Variants in TLL1 observed in about 807,000 individuals in gnomAD.
TLL1 encodes the protein tolloid-like protein 1.
A neutral mutation model predicts 128.2 loss-of-function variants in TLL1; 49 were observed. The observed-to-expected ratio is 0.38, with a 90% CI of 0.30 to 0.48. The LOEUF is 0.48. Ranked by LOEUF, TLL1 falls within the 20% of genes least tolerant of loss-of-function variation. TLL1 has a pLI of 0.96. For synonymous variants in TLL1, 454 were observed against 418.8 expected (o/e 1.08, Z -1.03); for missense variants, 1,123 against 1,242.0 (o/e 0.90, Z 1.44).
chr4:165,896,467 C>G (rs1250568554), intron 1 of TLL1, among the ~76,000 whole-genome samples: 1 of 145,264 alleles, frequency 6.9e-6, no homozygotes. Flanking sequence ...ATTGCTGGGT[C>G]AAATGGTATT....
chr4:166,089,534 G>A (rs979075780), intron 18 of TLL1, among the ~76,000 whole-genome samples: 2 of 152,120 alleles, frequency 1.3e-5, no homozygotes, highest in Admixed American at 6.6e-5. Flanking sequence ...ATTAACAAGT[G>A]ACACATTCCT....
At chr4:166,008,246 C>T (rs996159937) in intron 7 of TLL1, among the ~76,000 whole-genome samples, 198 bp downstream of exon 7, 1 of 151,348 alleles carries the variant, frequency 6.6e-6, no homozygotes, top group African/African-American at 2.4e-5. Context: ...TTTTTAAATT[C>T]TCTACCAAAT....
intron 9 of TLL1, among the ~76,000 whole-genome samples, chr4:166,033,107 C>T (rs957558315): frequency 9.9e-5 from 15 of 152,004 alleles, no homozygotes; most frequent in Admixed American, 1.3e-4. Context: ...CATAAAGATA[C>T]GCAACTCCTG....
intron 1 of TLL1, among the ~76,000 whole-genome samples, chr4:165,890,429 G>A (rs543432072): frequency 1.3e-4 from 20 of 152,298 alleles, no homozygotes; most frequent in African/African-American, 4.8e-4. Context: ...CTGCCTATCA[G>A]CCTGTGAAAT....
At chr4:165,891,229 T>A (rs1255160915) in intron 1 of TLL1, among the ~76,000 whole-genome samples, 1 of 152,178 alleles carries the variant, frequency 6.6e-6, no homozygotes, top group African/African-American at 2.4e-5. Flanking sequence ...CATGAAGACC[T>A]CTGACATGCC....
intron 18 of TLL1, among the ~76,000 whole-genome samples, chr4:166,081,049 T>C (rs146246048): frequency 1.3e-3 from 202 of 152,260 alleles, no homozygotes; most frequent in African/African-American, 4.5e-3. Flanking sequence ...GCTTTCTCAG[T>C]GATCCTATTT....
At chr4:165,975,591 TAAAAG>T (rs1244642349) in intron 1 of TLL1, among the ~76,000 whole-genome samples, 2 of 151,932 alleles carry the variant, frequency 1.3e-5, no homozygotes, top group Non-Finnish European at 2.9e-5. Context: ...ACAATGAAAA[TAAAAG>T]AAAAAATATT....
Position 165,873,894 on chromosome 4 carries a change from G to C in TLL1, c.-11G>C, listed in dbSNP as rs373269428. On this transcript the variant is annotated 5_prime_UTR_variant, in exon 1 of 21. Coordinates refer to ENST00000061240, the MANE Select transcript of TLL1 (RefSeq NM_012464.5). Reference sequence around the variant, plus strand: ...GGGTCCCGTCCCCTCCTTTTCCTCCGGGGGAGGAGGATGGGGTTGGGAACG... The same window carrying C: ...GGGTCCCGTCCCCTCCTTTTCCTCCCGGGGAGGAGGATGGGGTTGGGAACG... 63 of 1,613,384 alleles carry C rather than the reference G, an allele frequency of 3.9e-5. No individual in the cohort carries two copies. The African/African-American group carries it at 7.7e-4, about 20-fold the overall frequency.
chr4:165,995,922 T>C (rs1736852419), intron 5 of TLL1, among the ~76,000 whole-genome samples: 1 of 152,144 alleles, frequency 6.6e-6, no homozygotes, highest in Non-Finnish European at 1.5e-5. Flanking sequence ...TATTATTTTA[T>C]TGCCTAATAT....
At chr4:165,929,734 G>A (rs1733431477) in intron 1 of TLL1, among the ~76,000 whole-genome samples, 1 of 152,158 alleles carries the variant, frequency 6.6e-6, no homozygotes, top group Non-Finnish European at 1.5e-5. Context: ...TTCTAGCCTA[G>A]CAGATAACTT....
chr4:165,952,959 G>A (rs72972258), intron 1 of TLL1, among the ~76,000 whole-genome samples: 9,121 of 152,090 alleles, frequency 0.06, 881 homozygotes, highest in African/African-American at 0.2. Flanking sequence ...AATTTCCAAC[G>A]TCACTTGTGT....
chr4:165,970,470 T>C (rs1735582111), intron 1 of TLL1, among the ~76,000 whole-genome samples: 1 of 152,288 alleles, frequency 6.6e-6, no homozygotes, highest in African/African-American at 2.4e-5. Flanking sequence ...ATTCCCATAC[T>C]CAATATTTAT....
At chr4:166,069,699 G>A (rs1014904106) in intron 16 of TLL1, among the ~76,000 whole-genome samples, 1 of 151,698 alleles carries the variant, frequency 6.6e-6, no homozygotes, top group Non-Finnish European at 1.5e-5. Flanking sequence ...ACATTGAAGG[G>A]ATGTCTCTAA....
intron 1 of TLL1, among the ~76,000 whole-genome samples, chr4:165,942,739 G>A (rs1461712665): frequency 6.6e-6 from 1 of 151,770 alleles, no homozygotes; most frequent in Non-Finnish European, 1.5e-5. Flanking sequence ...TGGGATAACT[G>A]TAAGAATAAA....
intron 1 of TLL1, among the ~76,000 whole-genome samples, chr4:165,953,785 G>T (rs1490618709): frequency 6.6e-6 from 1 of 151,850 alleles, no homozygotes; most frequent in Non-Finnish European, 1.5e-5. Flanking sequence ...GGGAGAAGGG[G>T]TTTCTGAAAT....
intron 16 of TLL1, among the ~76,000 whole-genome samples, chr4:166,070,999 T>C (rs569948906): frequency 1.5e-4 from 23 of 151,966 alleles, no homozygotes; most frequent in Non-Finnish European, 3.2e-4. Context: ...ATTGTCTCTG[T>C]TGTAGCTCTC....
At chr4:166,048,623 G>C (rs1361648584) in intron 12 of TLL1, among the ~76,000 whole-genome samples, 1 of 152,144 alleles carries the variant, frequency 6.6e-6, no homozygotes, top group African/African-American at 2.4e-5. Context: ...TATTTTATTT[G>C]AGAATTTTCA....
At chr4:166,080,348 G>A (rs536612750) in intron 18 of TLL1, among the ~76,000 whole-genome samples, 17 of 152,094 alleles carry the variant, frequency 1.1e-4, no homozygotes, top group South Asian at 4.2e-4. Flanking sequence ...TTGGGGGTTC[G>A]GACTTCAACA....
intron 17 of TLL1, among the ~76,000 whole-genome samples, 154 bp downstream of exon 17, chr4:166,075,157 A>T (rs1740967289): frequency 6.6e-6 from 1 of 152,200 alleles, no homozygotes; most frequent in Non-Finnish European, 1.5e-5. Context: ...ATGTCCAAAG[A>T]TCCAAGGCAG....
Sources: gnomAD v4.1 joint callset for allele counts (sites outside exome capture counted in the v4.1 genomes callset) on GRCh38, gnomAD v4.1.1 for gene constraint, MANE v1.5 for transcripts, NCBI Gene and HGNC (gene_info 2026-07-23, HGNC 2026-07-21) for gene names.